The following AFDN variants were observed in gnomAD, a reference collection of about 807,000 sequenced individuals.
AFDN encodes afadin, adherens junction formation factor.
In AFDN, 68 loss-of-function variants were observed where a neutral mutation model predicts 216.6. The observed-to-expected ratio is 0.31, with a 90% confidence interval of 0.26 to 0.38. The LOEUF is 0.38. AFDN is among the 10% of genes least tolerant of loss of function. The probability of loss-of-function intolerance (pLI) is 1.00; values close to 1 mark genes in which losing one functional copy is unlikely to be tolerated. For missense variants in AFDN, 2,136 were observed against 2,342.0 expected (o/e 0.91, Z 1.82); for synonymous variants, 868 against 853.7 (o/e 1.02, Z -0.29).
At chr6:167,936,020 A>C (rs943081420) in intron 23 of AFDN, among the ~76,000 whole-genome samples, 3 of 152,228 alleles carry the variant, frequency 2.0e-5, no homozygotes, top group Non-Finnish European at 4.4e-5. Context: ...TTTTTTAAAA[A>C]GTGAAGTTAA....
intron 30 of AFDN, among the ~76,000 whole-genome samples, chr6:167,961,622 A>G (rs1196436786): frequency 6.6e-6 from 1 of 152,248 alleles, no homozygotes; most frequent in Non-Finnish European, 1.5e-5. Flanking sequence ...AAAAAGGCAG[A>G]ACTGGAATGA....
chr6:167,849,487 T>C (rs1782062621), intron 1 of AFDN, among the ~76,000 whole-genome samples: 1 of 152,138 alleles, frequency 6.6e-6, no homozygotes. Context: ...TGTAATGTTA[T>C]AAAAACCCAA....
chr6:167,836,649 A>C (rs1780475405), intron 1 of AFDN, among the ~76,000 whole-genome samples: 1 of 152,174 alleles, frequency 6.6e-6, no homozygotes, highest in Admixed American at 6.6e-5. Flanking sequence ...TGCACAAAAT[A>C]TATTGTGTTG....
chr6:167,875,360 G>T lies in AFDN; in HGVS notation c.604G>T (p.Val202Phe), dbSNP rs1384793246. The T allele has an allele frequency of 6.2e-7, 1 of 1,613,368 alleles. No homozygotes were observed. Among genetic ancestry groups the T allele is most frequent in the Admixed American group, 1.7e-5 (1 of 59,874 alleles). Reference sequence around the variant, plus strand: ...TGAAAATTCTCGACTGGCTGCTGAGGTTTACAAAGACATGCCGGAAACCAG... The same window carrying T: ...TGAAAATTCTCGACTGGCTGCTGAGTTTTACAAAGACATGCCGGAAACCAG... ...DVENSRLAAE[V>F]YKDMPETSFT... The change falls in exon 5 of 34, where the codon GTT (valine) becomes TTT (phenylalanine). Residue 202 changes from valine to phenylalanine, a missense_variant. Physicochemically the swap from Val to Phe is conservative, Grantham distance 50 (BLOSUM62 -1). Transcript: ENST00000683244.
intron 1 of AFDN, among the ~76,000 whole-genome samples, chr6:167,849,876 T>G (rs1378924067): frequency 1.3e-5 from 2 of 152,198 alleles, no homozygotes; most frequent in African/African-American, 4.8e-5. Flanking sequence ...CCTGTCGAGG[T>G]TCTAGGTTCC....
At position 167,898,281 on chromosome 6, in the gene AFDN, G is replaced by A; in HGVS notation, c.1394G>A (p.Ser465Asn). ...GGAGTGGTCACTGTGACGCCCAGAA[G>A]TATGGACGCAGAAACCTACGTGGAA... ...MDGVVTVTPR[S>N]MDAETYVEGQ... The change falls in exon 11 of 34, where the codon AGT (serine) becomes AAT (asparagine). Residue 465 changes from serine to asparagine, a missense_variant. This residue lies in a region of AFDN where 817 missense variants were observed against 965.7 expected (regional missense o/e 0.85). Coordinates refer to ENST00000683244, the MANE Select transcript of AFDN (RefSeq NM_001386888.1). 3 of 1,614,148 alleles carry A rather than the reference G, an allele frequency of 1.9e-6. No homozygotes were observed. Among genetic ancestry groups the A allele is most frequent in the Non-Finnish European group, 2.5e-6 (3 of 1,180,028 alleles).
chr6:167,865,851 A>C (rs566824104), intron 2 of AFDN, among the ~76,000 whole-genome samples: 3 of 151,958 alleles, frequency 2.0e-5, no homozygotes, highest in East Asian at 3.9e-4. Context: ...ATGAAAATAG[A>C]CTAAAGTGTT....
chr6:167,830,933 C>CTTTTTT lies in AFDN; in HGVS notation c.105+3717_105+3722dup, dbSNP rs71681602. On this transcript the variant is annotated intron_variant, in intron 1 of 33. Transcript: ENST00000683244. ...TCATACAACTGAACTATATTTGAAA[C>CTTTTTT]TTTTTTTTTTTTTTTTTTTTTTTTT... is the stretch of plus-strand genomic sequence containing the variant. Among the ~76,000 whole-genome samples the CTTTTTT allele has an allele frequency of 2.9e-4, 23 of 79,318 alleles. 1 individual carries two copies. The highest frequency in any genetic ancestry group is 5.5e-4 in the African/African-American group (11 of 19,974). The allele number at this position is 79,318 out of a possible 152,430, so 52.0% of individuals were successfully genotyped here.
intron 32 of AFDN, 82 bp from the exon 33 acceptor site, chr6:167,969,032 C>A: frequency 9.2e-7 from 1 of 1,090,774 alleles, no homozygotes; most frequent in Non-Finnish European, 1.4e-6. Context: ...TTTTTGTATT[C>A]TCTGAGCACT....
intron 2 of AFDN, among the ~76,000 whole-genome samples, chr6:167,867,374 A>G (rs183399034): frequency 2.0e-5 from 3 of 150,260 alleles, no homozygotes; most frequent in Admixed American, 2.0e-4. Context: ...TTATTTCTGT[A>G]TTTTGATAAC....
At chr6:167,856,334 A>G (rs1334503123) in intron 1 of AFDN, among the ~76,000 whole-genome samples, 1 of 151,484 alleles carries the variant, frequency 6.6e-6, no homozygotes, top group Admixed American at 6.6e-5. Context: ...GTATATATAG[A>G]GCTTTGTGCT....
Position 167,924,993 on chromosome 6 carries a change from T to C in AFDN, c.3013-12T>C, listed in dbSNP as rs610670. On this transcript the variant is annotated splice_polypyrimidine_tract_variant and intron_variant, in intron 22 of 33. Transcript: ENST00000683244. ...TTCAGTCATAAAATAAACCTTTGTT[T>C]TCATCCTTTAGGCTCAGCCTCTGAG... The C allele has an allele frequency of 0.14, 225,149 of 1,596,924 alleles. 17,129 individuals are homozygous for C. Among genetic ancestry groups the C allele is most frequent in the Middle Eastern group, 0.17 (1,008 of 6,026 alleles).
intron 12 of AFDN, 21 bp from the exon 13 acceptor site, chr6:167,907,150 T>C: frequency 6.3e-7 from 1 of 1,597,446 alleles, no homozygotes; most frequent in Non-Finnish European, 8.6e-7. Flanking sequence ...TCTAAACCCG[T>C]TGTGCTTTCT....
chr6:167,905,145 G>A (rs1789505454), intron 12 of AFDN, among the ~76,000 whole-genome samples: 1 of 152,146 alleles, frequency 6.6e-6, no homozygotes, highest in Admixed American at 6.5e-5. Flanking sequence ...TTCCTGAAGA[G>A]GTTGTCCCTG....
intron 23 of AFDN, among the ~76,000 whole-genome samples, chr6:167,936,742 C>G (rs994148103): frequency 3.4e-4 from 51 of 152,078 alleles, no homozygotes; most frequent in African/African-American, 1.2e-3. Context: ...CTCTGCTCTT[C>G]CCCCAGTCAG....
chr6:167,857,490 A>G (rs1299696698), intron 1 of AFDN, among the ~76,000 whole-genome samples: 2 of 152,108 alleles, frequency 1.3e-5, no homozygotes, highest in African/African-American at 4.8e-5. Flanking sequence ...TGACTTGGGA[A>G]TTTTAATTTT....
At chr6:167,839,242 T>C (rs920326422) in intron 1 of AFDN, among the ~76,000 whole-genome samples, 1 of 152,322 alleles carries the variant, frequency 6.6e-6, no homozygotes, top group South Asian at 2.1e-4. Flanking sequence ...TTACATTAAA[T>C]GTAATGGAAA....
intron 30 of AFDN, among the ~76,000 whole-genome samples, chr6:167,953,647 T>C (rs147478787): frequency 2.0e-5 from 3 of 152,338 alleles, no homozygotes; most frequent in African/African-American, 7.2e-5. Flanking sequence ...CATTAATAGC[T>C]ATTTTACTTT....
chr6:167,862,380 G>GTT (rs1269830040), intron 1 of AFDN, among the ~76,000 whole-genome samples: 1 of 148,108 alleles, frequency 6.8e-6, no homozygotes, highest in Non-Finnish European at 1.5e-5. Flanking sequence ...ATAAAGGTTT[G>GTT]GTTTTTTTTT....
Sources: allele counts gnomAD v4.1 joint callset (sites outside exome capture counted in the v4.1 genomes callset), GRCh38; gene constraint gnomAD v4.1.1; regional missense constraint gnomAD v4.1.1; transcripts MANE v1.5; gene names NCBI Gene and HGNC (gene_info 2026-07-23, HGNC 2026-07-21).